The following CALN1 variants were observed in gnomAD, a reference collection of about 807,000 sequenced individuals.
CALN1 encodes calcium-binding protein 8.
Under a neutral mutation model 30.6 loss-of-function variants are expected in CALN1, and 17 were observed. The ratio of observed to expected loss-of-function variants is 0.56; its 90% confidence interval spans 0.38 to 0.83. The LOEUF is 0.83. Ranked by LOEUF, CALN1 falls within the 40% of genes least tolerant of loss-of-function variation. The pLI, the probability that CALN1 is intolerant of heterozygous loss-of-function variation, is 0.00. For synonymous variants in CALN1, 156 were observed against 131.4 expected (o/e 1.19, Z -1.28); for missense variants, 291 against 354.9 (o/e 0.82, Z 1.45).
intron 2 of CALN1, among the ~76,000 whole-genome samples, chr7:72,325,754 G>C (rs564120832): frequency 1.2e-3 from 185 of 152,310 alleles, no homozygotes; most frequent in African/African-American, 4.4e-3. Context: ...GCTGAGGGCA[G>C]ATGATCTATT....
At chr7:72,277,823 G>A (rs1797437217) in intron 3 of CALN1, among the ~76,000 whole-genome samples, 1 of 152,054 alleles carries the variant, frequency 6.6e-6, no homozygotes, top group South Asian at 2.1e-4. Flanking sequence ...GCAAATATGT[G>A]GGCCAACTGG....
At chr7:72,267,889 C>T (rs1286709756) in intron 3 of CALN1, among the ~76,000 whole-genome samples, 1 of 152,132 alleles carries the variant, frequency 6.6e-6, no homozygotes, top group Non-Finnish European at 1.5e-5. Context: ...CACTTGTAGC[C>T]TCAGCTACTC....
intron 4 of CALN1, among the ~76,000 whole-genome samples, chr7:72,054,220 A>G (rs1402217260): frequency 6.6e-6 from 1 of 151,902 alleles, no homozygotes; most frequent in Non-Finnish European, 1.5e-5. Context: ...GAATCTCCAC[A>G]CTGTTTTCCG....
chr7:72,341,598 T>C lies in CALN1; in HGVS notation c.119+61653A>G, dbSNP rs189313794. Among the ~76,000 whole-genome samples, 75 of 152,246 alleles carry C rather than the reference T, an allele frequency of 4.9e-4. 1 individual carries two copies. In the East Asian group the frequency reaches 0.013, roughly 26 times the overall value. ...TACACACATGAAGTTCCTGGTAAAA[T>C]GTGGGGGCCTCCCACATAACCAGAG... On this transcript the variant is annotated intron_variant, in intron 2 of 6. Coordinates refer to ENST00000395275, the MANE Select transcript of CALN1 (RefSeq NM_031468.4).
chr7:72,404,694 T>C (rs1459212135), intron 1 of CALN1, among the ~76,000 whole-genome samples: 2 of 152,170 alleles, frequency 1.3e-5, no homozygotes, highest in African/African-American at 4.8e-5. Context: ...TGGTGAGAGG[T>C]GCATGCTCAT....
intron 5 of CALN1, among the ~76,000 whole-genome samples, chr7:72,009,655 T>TG (rs1459841654): frequency 6.6e-6 from 1 of 152,212 alleles, no homozygotes; most frequent in East Asian, 1.9e-4. Context: ...GGACCATCCC[T>TG]GGGGGAGATC....
intron 6 of CALN1, among the ~76,000 whole-genome samples, chr7:71,809,219 T>A (rs1223946875): frequency 9.2e-5 from 14 of 152,090 alleles, no homozygotes; most frequent in Admixed American, 9.2e-4. Context: ...TCCTGTTCCC[T>A]CCTGTCGTGG....
intron 5 of CALN1, among the ~76,000 whole-genome samples, chr7:71,925,019 C>T (rs1021509830): frequency 6.6e-6 from 1 of 152,088 alleles, no homozygotes; most frequent in Admixed American, 6.6e-5. Context: ...GGTGGGCAGA[C>T]TACTTGAGGT....
intron 6 of CALN1, among the ~76,000 whole-genome samples, chr7:71,790,926 C>T (rs949964864): frequency 6.6e-6 from 1 of 152,094 alleles, no homozygotes; most frequent in Non-Finnish European, 1.5e-5. Context: ...TGGCTCTTTA[C>T]ATTCAGCTGT....
the CALN1 span, among the ~76,000 whole-genome samples, chr7:72,462,363 T>C: frequency 6.6e-6 from 1 of 152,120 alleles, no homozygotes; most frequent in Admixed American, 6.6e-5. Flanking sequence ...TTCTCTATCT[T>C]TTTTAAAGCC....
intron 4 of CALN1, among the ~76,000 whole-genome samples, chr7:72,097,076 G>A (rs528978032): frequency 4.6e-5 from 7 of 151,866 alleles, no homozygotes; most frequent in African/African-American, 1.7e-4. Flanking sequence ...ATCAAACACC[G>A]TATGTTCTCA....
At chr7:72,090,295 C>T (rs1448297881) in intron 4 of CALN1, among the ~76,000 whole-genome samples, 1 of 151,722 alleles carries the variant, frequency 6.6e-6, no homozygotes. Flanking sequence ...GAGCTCCATC[C>T]GAAAAAGAAA....
chr7:72,397,225 C>G (rs1264516337), intron 2 of CALN1, among the ~76,000 whole-genome samples: 1 of 152,070 alleles, frequency 6.6e-6, no homozygotes, highest in East Asian at 1.9e-4. Flanking sequence ...TAGGATTTTA[C>G]CCCGGAGCAC....
chr7:72,124,345 G>T (rs1808595003), intron 3 of CALN1, among the ~76,000 whole-genome samples: 1 of 152,080 alleles, frequency 6.6e-6, no homozygotes, highest in Admixed American at 6.5e-5. Context: ...ATTCACTTTT[G>T]GAAAATTAAA....
At chr7:72,065,154 A>T (rs1584868373) in intron 4 of CALN1, among the ~76,000 whole-genome samples, 2 of 116,958 alleles carry the variant, frequency 1.7e-5, no homozygotes, top group East Asian at 3.0e-4. Context: ...AAATATTAAT[A>T]TTAAAATATT....
chr7:72,430,785 C>T (rs1807948580), intron 1 of CALN1, among the ~76,000 whole-genome samples: 1 of 152,030 alleles, frequency 6.6e-6, no homozygotes, highest in South Asian at 2.1e-4. Context: ...TTCCCTGTTC[C>T]TAAGAGGATT....
chr7:72,217,103 A>G (rs1270858174), intron 3 of CALN1, among the ~76,000 whole-genome samples: 1 of 152,126 alleles, frequency 6.6e-6, no homozygotes, highest in Non-Finnish European at 1.5e-5. Context: ...AAAATACAAG[A>G]AAGGATTAAG....
At chr7:72,231,461 T>A (rs1794094872) in intron 3 of CALN1, among the ~76,000 whole-genome samples, 1 of 152,180 alleles carries the variant, frequency 6.6e-6, no homozygotes, top group African/African-American at 2.4e-5. Flanking sequence ...AAGGACAGGA[T>A]CTCATTCTTT....
chr7:72,494,982 CTG>C, the CALN1 span, among the ~76,000 whole-genome samples: 3 of 49,916 alleles, frequency 6.0e-5, no homozygotes, highest in East Asian at 3.4e-3. Context: ...CACCTGTAAG[CTG>C]CAACGCCTGC....
Sources: gnomAD v4.1 joint callset for allele counts (sites outside exome capture counted in the v4.1 genomes callset) on GRCh38, gnomAD v4.1.1 for gene constraint, MANE v1.5 for transcripts, NCBI Gene and HGNC (gene_info 2026-07-23, HGNC 2026-07-21) for gene names.